Variants in CHD6 observed in about 807,000 individuals in gnomAD.
The protein encoded by CHD6 is chromodomain helicase DNA binding protein 6.
A neutral mutation model predicts 276.9 loss-of-function variants in CHD6; 50 were observed. That is an observed-to-expected ratio of 0.18 (90% CI 0.14 to 0.23). The LOEUF (loss-of-function observed/expected upper bound fraction) is 0.23. Among genes scored for constraint, CHD6 ranks in the 10% least tolerant of loss-of-function variants. The probability of loss-of-function intolerance (pLI) is 1.00; values close to 1 mark genes in which losing one functional copy is unlikely to be tolerated. For missense variants in CHD6, 2,564 were observed against 3,365.8 expected, an observed-to-expected ratio of 0.76 and a Z score of 5.89; for synonymous variants, 1,173 against 1,229.3, an observed-to-expected ratio of 0.95 and a Z score of 0.96.
At chr20:41,462,760 A>C (rs2042832013) in intron 17 of CHD6, among the ~76,000 whole-genome samples, 1 of 152,264 alleles carries the variant, frequency 6.6e-6, no homozygotes, top group Non-Finnish European at 1.5e-5. Flanking sequence ...ATTTGTGTCT[A>C]TACACACATA....
At chr20:41,413,557 G>A (rs1406466517) in intron 34 of CHD6, 42 bp from the exon 35 acceptor site, 1 of 1,401,470 alleles carries the variant, frequency 7.1e-7, no homozygotes, top group Non-Finnish European at 9.5e-7. Flanking sequence ...ACGACACAAT[G>A]AAAATTAGTT....
chr20:41,406,545 G>A (rs1321430266), intron 36 of CHD6, among the ~76,000 whole-genome samples: 1 of 152,196 alleles, frequency 6.6e-6, no homozygotes, highest in Non-Finnish European at 1.5e-5. Context: ...CCTGAGAGTG[G>A]AGCTCAGGAG....
chr20:41,519,564 A>G (rs946831499), intron 3 of CHD6, among the ~76,000 whole-genome samples: 1 of 152,230 alleles, frequency 6.6e-6, no homozygotes, highest in African/African-American at 2.4e-5. Context: ...AGAATTCTAC[A>G]AACTGCAGGA....
chr20:41,514,755 TC>T, intron 4 of CHD6, 49 bp downstream of exon 4: 1 of 1,601,778 alleles, frequency 6.2e-7, no homozygotes, highest in Non-Finnish European at 8.5e-7. Context: ...GTCAGCCAGA[TC>T]CCATCCAGGA....
chr20:41,496,367 C>A (rs1209540302), intron 8 of CHD6, among the ~76,000 whole-genome samples: 2 of 152,132 alleles, frequency 1.3e-5, no homozygotes, highest in Admixed American at 1.3e-4. Flanking sequence ...TTTATTCTCT[C>A]AGTATTGGAT....
At position 41,484,283 on chromosome 20, in the gene CHD6, TTTGA is replaced by T; in HGVS notation, c.2257+65_2257+68del. ...TAATGAAAATTCAATACATGAGTTA[TTTGA>T]TTATCATTAGCTTCTCGCAGAGGTC... On this transcript the variant is annotated intron_variant, in intron 15 of 36. Coordinates refer to ENST00000373233, the MANE Select transcript of CHD6 (RefSeq NM_032221.5). 3 of 1,554,100 alleles carry T rather than the reference TTTGA, an allele frequency of 1.9e-6. No individual in the cohort carries two copies. The Admixed American group carries it at 5.1e-5, about 26-fold the overall frequency.
chr20:41,541,614 GT>G (rs1462986648), intron 2 of CHD6, among the ~76,000 whole-genome samples: 1 of 152,220 alleles, frequency 6.6e-6, no homozygotes, highest in Non-Finnish European at 1.5e-5. Flanking sequence ...AGAAGAAACA[GT>G]GAGATAAGTG....
At chr20:41,523,289 G>GC (rs1380735975) in intron 3 of CHD6, among the ~76,000 whole-genome samples, 3 of 152,146 alleles carry the variant, frequency 2.0e-5, no homozygotes, top group African/African-American at 7.2e-5. Context: ...TGGCACAGGA[G>GC]CTTGAATCAA....
At chr20:41,408,222 TG>T (rs1304598921) in intron 36 of CHD6, among the ~76,000 whole-genome samples, 1 of 5,586 alleles carries the variant, frequency 1.8e-4, no homozygotes, top group Non-Finnish European at 3.3e-4. Context: ...TTTCACAAGC[TG>T]GGGGTGGGGG....
intron 3 of CHD6, among the ~76,000 whole-genome samples, chr20:41,526,124 C>T (rs2044529227): frequency 6.6e-6 from 1 of 151,816 alleles, no homozygotes; most frequent in Non-Finnish European, 1.5e-5. Flanking sequence ...CACCAGGCCA[C>T]AGAGTAAGCA....
chr20:41,515,360 C>T (rs1188115943), intron 3 of CHD6, among the ~76,000 whole-genome samples: 1 of 152,162 alleles, frequency 6.6e-6, no homozygotes, highest in Non-Finnish European at 1.5e-5. Flanking sequence ...TGAGTACACG[C>T]TGGACCTGGA....
intron 36 of CHD6, among the ~76,000 whole-genome samples, chr20:41,408,676 G>A (rs2046754740): frequency 6.6e-6 from 1 of 152,134 alleles, no homozygotes; most frequent in Non-Finnish European, 1.5e-5. Flanking sequence ...ACAACCGAGA[G>A]GCAGAGAAAG....
At chr20:41,460,685 A>G (rs1360425955) in intron 17 of CHD6, among the ~76,000 whole-genome samples, 1 of 152,204 alleles carries the variant, frequency 6.6e-6, no homozygotes, top group Non-Finnish European at 1.5e-5. Flanking sequence ...ATGTATGCAA[A>G]TGCCTGGATG....
intron 33 of CHD6, 55 bp downstream of exon 33, chr20:41,416,533 G>A (rs1171783813): frequency 1.1e-5 from 16 of 1,500,754 alleles, no homozygotes; most frequent in South Asian, 3.6e-5. Flanking sequence ...CAACAGAGAC[G>A]TGGAACACGC....
chr20:41,601,453 C>CT (rs1417344091), intron 1 of CHD6, among the ~76,000 whole-genome samples: 2 of 152,138 alleles, frequency 1.3e-5, no homozygotes, highest in East Asian at 3.8e-4. Context: ...TAAATATTCT[C>CT]TAGGACAGTG....
chr20:41,540,676 C>T (rs571501604), intron 2 of CHD6, among the ~76,000 whole-genome samples: 1 of 152,284 alleles, frequency 6.6e-6, no homozygotes, highest in South Asian at 2.1e-4. Flanking sequence ...ACCTCCAACC[C>T]AAGTAGTGAG....
At chr20:41,576,381 G>A (rs1164078695) in intron 1 of CHD6, among the ~76,000 whole-genome samples, 1 of 152,196 alleles carries the variant, frequency 6.6e-6, no homozygotes, top group Non-Finnish European at 1.5e-5. Context: ...CACTGGCACA[G>A]GCCACCTGAA....
chr20:41,560,426 G>C (rs2045289683), intron 1 of CHD6, among the ~76,000 whole-genome samples: 1 of 152,074 alleles, frequency 6.6e-6, no homozygotes, highest in Admixed American at 6.5e-5. Context: ...ATTCAGATCT[G>C]GTGTCATGTT....
chr20:41,409,622 G>A (rs902180504), intron 36 of CHD6, among the ~76,000 whole-genome samples: 7 of 152,096 alleles, frequency 4.6e-5, no homozygotes, highest in Admixed American at 2.0e-4. Context: ...AAAATGCGAC[G>A]TGTGGCTCTT....
Sources: allele counts gnomAD v4.1 joint callset (sites outside exome capture counted in the v4.1 genomes callset), GRCh38; gene constraint gnomAD v4.1.1; transcripts MANE v1.5; gene names NCBI Gene and HGNC (gene_info 2026-07-23, HGNC 2026-07-21).